Variants in ZC3H6 observed in about 807,000 individuals in gnomAD.
The protein encoded by ZC3H6 is zinc finger CCCH domain-containing protein 6.
Under a neutral mutation model 107.7 loss-of-function variants are expected in ZC3H6, and 40 were observed. That is an observed-to-expected ratio of 0.37 (90% confidence interval 0.29 to 0.48). The LOEUF is 0.48. ZC3H6 is among the 20% of genes least tolerant of loss of function. The probability of loss-of-function intolerance (pLI) is 0.98; values close to 1 mark genes in which losing one functional copy is unlikely to be tolerated. For synonymous variants in ZC3H6, 493 were observed against 487.9 expected, an observed-to-expected ratio of 1.01 and a Z score of -0.14; for missense variants, 1,267 against 1,410.4, an observed-to-expected ratio of 0.90 and a Z score of 1.63.
At chr2:112,290,141 A>G (rs1676082617) in intron 1 of ZC3H6, among the ~76,000 whole-genome samples, 1 of 152,196 alleles carries the variant, frequency 6.6e-6, no homozygotes. Flanking sequence ...GTGTCTTATA[A>G]CTCCAAATCC....
At position 112,283,262 on chromosome 2, in the gene ZC3H6, A is replaced by G. The variant is rs1363405723; in HGVS notation, c.32+7236A>G. On this transcript the variant is annotated intron_variant, in intron 1 of 11. Transcript: ENST00000409871. ...ACAATAATGATTTCAGCAGATTATT[A>G]TTACTCTTGGCAAAAAGCAAGCTTT... is the stretch of plus-strand genomic sequence containing the variant. 4.6e-5 allele frequency among the ~76,000 whole-genome samples: 7 copies of G among 152,258 alleles called. No homozygotes were observed. The East Asian group carries it at 1.4e-3, about 29-fold the overall frequency.
intron 3 of ZC3H6, among the ~76,000 whole-genome samples, chr2:112,308,403 A>ATTTT (rs138682025): frequency 2.8e-5 from 3 of 108,706 alleles, no homozygotes; most frequent in Admixed American, 1.8e-4. Context: ...ATTTTATTTT[A>ATTTT]TTTTATTTAT....
chr2:112,332,154 G>A lies in ZC3H6; in HGVS notation c.3236G>A (p.Gly1079Asp). ...TCAAAGAACCAGAAAAAAAGTGGTG[G>A]CTTAAAAAGTAGTGACAAAACTGAA... ...ENSKNQKKSG[G>D]LKSSDKTEPS... Residue 1079 changes from glycine to aspartate, a missense_variant, in exon 12 of 12, where the codon GGC becomes GAC. Around this residue, in one of 3 missense-constraint regions of ZC3H6, gnomAD observed 925 missense variants for 1,025.7 expected, o/e 0.90. Transcript: ENST00000409871. 1 of 1,613,888 alleles carries A rather than the reference G, an allele frequency of 6.2e-7. No homozygotes were observed.
intron 1 of ZC3H6, among the ~76,000 whole-genome samples, chr2:112,285,186 C>T (rs929111309): frequency 8.5e-5 from 13 of 152,062 alleles, no homozygotes; most frequent in Admixed American, 4.6e-4. Context: ...TACTTTCTTT[C>T]GTACATAAAT....
chr2:112,330,243 C>T (rs553761253), intron 11 of ZC3H6, among the ~76,000 whole-genome samples: 14 of 151,896 alleles, frequency 9.2e-5, no homozygotes, highest in Non-Finnish European at 1.5e-4. Flanking sequence ...TTAGTAGAGA[C>T]GGGGTTTCAC....
chr2:112,301,757 T>C (rs931970116), intron 2 of ZC3H6, among the ~76,000 whole-genome samples: 6 of 151,854 alleles, frequency 4.0e-5, no homozygotes, highest in Non-Finnish European at 8.8e-5. Flanking sequence ...CAAAAGGAAG[T>C]ACTTAATAAA....
chr2:112,293,610 A>G (rs1193924290), intron 1 of ZC3H6, among the ~76,000 whole-genome samples: 1 of 152,224 alleles, frequency 6.6e-6, no homozygotes, highest in Non-Finnish European at 1.5e-5. Flanking sequence ...TGGATCTTCC[A>G]TGGCCCCAGT....
intron 1 of ZC3H6, among the ~76,000 whole-genome samples, chr2:112,287,090 C>G (rs1211633492): frequency 1.3e-5 from 2 of 151,936 alleles, no homozygotes; most frequent in Admixed American, 1.3e-4. Flanking sequence ...TAGAGAACTG[C>G]TATATGAAAA....
chr2:112,340,053 C>CT lies in ZC3H6; in HGVS notation c.*7566dup, dbSNP rs1483647854. On this transcript the variant is annotated 3_prime_UTR_variant, in exon 12 of 12. Coordinates refer to ENST00000409871, the MANE Select transcript of ZC3H6 (RefSeq NM_198581.3). ...TGTCTGAATTTAAATAAAAATGTTT[C>CT]TAATAATATCTGTCTGGCAGTGTGA... is the stretch of plus-strand genomic sequence containing the variant. The CT allele has an allele frequency of 1.3e-5, 2 of 152,076 alleles. No homozygotes were observed. The highest frequency in any genetic ancestry group is 4.8e-5 in the African/African-American group (2 of 41,404). 9.4% of individuals were successfully genotyped at this position (152,076 alleles called of 1,614,324 possible).
At chr2:112,293,212 T>G (rs1676155232) in intron 1 of ZC3H6, among the ~76,000 whole-genome samples, 2 of 152,280 alleles carry the variant, frequency 1.3e-5, no homozygotes, top group South Asian at 4.1e-4. Context: ...TAATTAAAAT[T>G]TATAATATTG....
rs768446069 is a variant in ZC3H6, at chr2:112,331,264, G to A, written c.2346G>A (p.Ala782=). 3.7e-6 allele frequency: 6 copies of A among 1,613,628 alleles called. No individual in the cohort carries two copies. The highest frequency in any genetic ancestry group is 1.7e-5 in the Admixed American group (1 of 59,990). ...SESAPLDLRL[A]WDPRKLRGNG... ...CTGCCCCACTGGATCTTAGACTTGC[G>A]TGGGATCCCAGGAAATTGAGAGGGA... The change falls in exon 12 of 12, where the codon GCG becomes GCA. Residue 782 remains alanine (A), a synonymous_variant. Coordinates refer to ENST00000409871, the MANE Select transcript of ZC3H6 (RefSeq NM_198581.3).
chr2:112,305,335 A>G (rs1676455702), intron 3 of ZC3H6, among the ~76,000 whole-genome samples: 1 of 152,220 alleles, frequency 6.6e-6, no homozygotes, highest in Non-Finnish European at 1.5e-5. Context: ...AGGAAGTTCC[A>G]AATATTTAAA....
intron 4 of ZC3H6, 123 bp downstream of exon 4, chr2:112,310,284 C>A: frequency 1.0e-6 from 1 of 964,788 alleles, no homozygotes; most frequent in Non-Finnish European, 1.5e-6. Context: ...AACCTAAATT[C>A]ATTTTCTTTT....
chr2:112,282,066 T>A (rs1195661536), intron 1 of ZC3H6, among the ~76,000 whole-genome samples: 4 of 152,238 alleles, frequency 2.6e-5, no homozygotes, highest in African/African-American at 9.6e-5. Flanking sequence ...TGCTCTACAC[T>A]CCACAGTCTT....
At chr2:112,292,798 T>C (rs1025783717) in intron 1 of ZC3H6, among the ~76,000 whole-genome samples, 3 of 152,210 alleles carry the variant, frequency 2.0e-5, no homozygotes, top group African/African-American at 7.2e-5. Context: ...TCAGTCAGCA[T>C]TATTAACCAA....
In ZC3H6 at chr2:112,331,605, C is replaced by T; in HGVS notation, c.2687C>T (p.Ser896Phe). 1 of 1,613,974 alleles carries T rather than the reference C, an allele frequency of 6.2e-7. No individual in the cohort carries two copies. The highest frequency in any genetic ancestry group is 8.5e-7 in the Non-Finnish European group (1 of 1,179,890). ...PVPLPKPDPV[S>F]SINLPLPPLI... is the part of the protein sequence containing the mutation. ...CCTTTACCTAAACCTGATCCAGTGTCTTCAATCAATTTACCTCTGCCCCCA... is the reference window on the plus strand; with the variant it reads ...CCTTTACCTAAACCTGATCCAGTGTTTTCAATCAATTTACCTCTGCCCCCA... The change falls in exon 12 of 12, where the codon TCT becomes TTT. Residue 896 changes from serine to phenylalanine, a missense_variant. Ser to Phe is a radical substitution (Grantham distance 155). Transcript: ENST00000409871.
At position 112,324,465 on chromosome 2, in the gene ZC3H6, C is replaced by G. The variant is rs544551241; in HGVS notation, c.1654C>G (p.His552Asp). 2 of 1,613,906 alleles carry G rather than the reference C, an allele frequency of 1.2e-6. No homozygotes were observed. Among genetic ancestry groups the G allele is most frequent in the South Asian group, 2.2e-5 (2 of 91,054 alleles). The change falls in exon 10 of 12, where the codon CAC becomes GAC. Residue 552 changes from histidine (H) to aspartate (D), a missense_variant. His to Asp is a moderately conservative substitution (Grantham distance 81). Coordinates refer to ENST00000409871, the MANE Select transcript of ZC3H6 (RefSeq NM_198581.3). Reference protein sequence around the residue: ...LTPPSMGGAYHSPGFPGHVMK... With the variant: ...LTPPSMGGAYDSPGFPGHVMK... ...ACCACCAAGTATGGGTGGGGCTTAC[C>G]ACTCCCCAGGCTTTCCAGGACATGT...
intron 5 of ZC3H6, 170 bp downstream of exon 5, chr2:112,312,107 G>A (rs1330761005): frequency 7.7e-5 from 46 of 601,152 alleles, no homozygotes; most frequent in Non-Finnish European, 2.6e-6. Flanking sequence ...AATTAGTTGT[G>A]AAACTAATTT....
chr2:112,335,555 T>A lies in ZC3H6; in HGVS notation c.*3067T>A, dbSNP rs1677124092. Reference sequence around the variant, plus strand: ...TGCTTATCTGTGAAATTGGGTTAATTTTTATTGATCACATTTGATGTAAAG... The same window carrying A: ...TGCTTATCTGTGAAATTGGGTTAATATTTATTGATCACATTTGATGTAAAG... On this transcript the variant is annotated 3_prime_UTR_variant, in exon 12 of 12. Coordinates refer to ENST00000409871, the MANE Select transcript of ZC3H6 (RefSeq NM_198581.3). 1 of 152,088 alleles carries A rather than the reference T, an allele frequency of 6.6e-6. No individual in the cohort carries two copies. The highest frequency in any genetic ancestry group is 1.5e-5 in the Non-Finnish European group (1 of 68,004). 9.4% of individuals were successfully genotyped at this position (152,088 alleles called of 1,614,324 possible). A position where few individuals can be genotyped will look rare whatever the true frequency, so the allele number is the denominator to read the frequency against.
Sources: gnomAD v4.1 joint callset for allele counts (sites outside exome capture counted in the v4.1 genomes callset) on GRCh38, gnomAD v4.1.1 for gene constraint, gnomAD v4.1.1 regional missense constraint, MANE v1.5 for transcripts, NCBI Gene and HGNC (gene_info 2026-07-23, HGNC 2026-07-21) for gene names.